The following CREBBP variants were observed in gnomAD, a reference collection of about 807,000 sequenced individuals.
CREBBP encodes the protein CREB binding lysine acetyltransferase.
In CREBBP, 19 loss-of-function variants were observed where a neutral mutation model predicts 265.0. The observed-to-expected ratio is 0.07, with a 90% CI of 0.05 to 0.11. CREBBP has a LOEUF of 0.11. Ranked by LOEUF, CREBBP falls within the 10% of genes least tolerant of loss-of-function variation. The probability of loss-of-function intolerance (pLI) is 1.00; values close to 1 mark genes in which losing one functional copy is unlikely to be tolerated. For synonymous variants in CREBBP, 1,457 were observed against 1,223.7 expected (o/e 1.19, Z -3.98); for missense variants, 2,525 against 3,219.0 (o/e 0.78, Z 5.22).
intron 2 of CREBBP, among the ~76,000 whole-genome samples, chr16:3,818,017 G>T (rs1157957931): frequency 1.3e-5 from 2 of 152,118 alleles, no homozygotes; most frequent in African/African-American, 4.8e-5. Flanking sequence ...TTTGCAAATA[G>T]TCCACTTCCA....
At chr16:3,818,490 T>C (rs926362860) in intron 2 of CREBBP, among the ~76,000 whole-genome samples, 7 of 152,000 alleles carry the variant, frequency 4.6e-5, no homozygotes, top group Non-Finnish European at 8.8e-5. Flanking sequence ...GTATTTTTAG[T>C]AGAGATGGGG....
intron 3 of CREBBP, among the ~76,000 whole-genome samples, chr16:3,797,381 A>G (rs1253572939): frequency 6.6e-6 from 1 of 152,172 alleles, no homozygotes; most frequent in Non-Finnish European, 1.5e-5. Flanking sequence ...TAGCATATAG[A>G]AGTCCCCCCT....
intron 19 of CREBBP, 103 bp from the exon 20 acceptor site, chr16:3,751,909 A>T: frequency 9.2e-7 from 1 of 1,088,566 alleles, no homozygotes; most frequent in Admixed American, 1.9e-5. Flanking sequence ...ACCACGACGA[A>T]GGGGGGGCGT....
rs754164754 is a variant in CREBBP at position 3,728,684 on chromosome 16, G to C, written c.6363C>G (p.Leu2121=). The C allele has an allele frequency of 6.2e-7, 1 of 1,613,784 alleles. No homozygotes were observed. The highest frequency in any genetic ancestry group is 8.5e-7 in the Non-Finnish European group (1 of 1,179,876). The change falls in exon 31 of 31, where the codon CTC becomes CTG. Residue 2121 remains leucine (L), a synonymous_variant. Coordinates refer to ENST00000262367, the MANE Select transcript of CREBBP (RefSeq NM_004380.3). This position sits in a 1 kb window ranked among gnomAD's most constrained non-coding sequence, Gnocchi z 8.7. Reference sequence around the variant, plus strand: ...GGGGTTGCATGCCGGGCTGGGACTGGAGGCCAGGCTGGGGCTGCATGCCGG... The same window carrying C: ...GGGGTTGCATGCCGGGCTGGGACTGCAGGCCAGGCTGGGGCTGCATGCCGG... ...NQPGMQPQPG[L]QSQPGMQPQP... is the part of the protein sequence containing the mutation.
chr16:3,864,817 A>C (rs1219962320), intron 1 of CREBBP, among the ~76,000 whole-genome samples: 1 of 152,202 alleles, frequency 6.6e-6, no homozygotes, highest in Non-Finnish European at 1.5e-5. Flanking sequence ...CTGTAATCCC[A>C]GCACTGTGGG....
chr16:3,748,759 A>C (rs1204984432), intron 21 of CREBBP, among the ~76,000 whole-genome samples: 3 of 152,184 alleles, frequency 2.0e-5, no homozygotes, highest in African/African-American at 7.2e-5. Context: ...ACCTGGGAAG[A>C]GGCTACCACA....
chr16:3,867,211 G>A (rs2055194515), intron 1 of CREBBP, among the ~76,000 whole-genome samples: 1 of 152,146 alleles, frequency 6.6e-6, no homozygotes, highest in Non-Finnish European at 1.5e-5. Context: ...GTGTGAGCTG[G>A]CTGCATGACA....
intron 2 of CREBBP, among the ~76,000 whole-genome samples, chr16:3,847,647 G>GTGGTCCCCAGGATGGAAT (rs2054695394): frequency 6.6e-6 from 1 of 152,198 alleles, no homozygotes; most frequent in Non-Finnish European, 1.5e-5. Flanking sequence ...TCTGTATAAA[G>GTGGTCCCCAGGATGGAAT]GAACCCCAGG....
rs1422339560 is a variant in CREBBP at position 3,729,010 on chromosome 16, T to G, written c.6037A>C (p.Met2013Leu). ...CACTGCCCGGGAGGCATGCTGGGCA[T>G]GACGGGCCCGCTCACCTGGTTGGGT... ...PRPNQVSGPV[M>L]PSMPPGQWQQ... The change falls in exon 31 of 31, where the codon ATG becomes CTG. Residue 2013 changes from methionine (M) to leucine (L), a missense_variant. Met to Leu is a conservative substitution (Grantham distance 15, BLOSUM62 2). Around this residue, in one of 19 missense-constraint regions of CREBBP, gnomAD observed 275 missense variants for 276.5 expected, o/e 0.99. Transcript: ENST00000262367. The G allele has an allele frequency of 6.3e-7, 1 of 1,592,870 alleles. No individual in the cohort carries two copies. Among genetic ancestry groups the G allele is most frequent in the Admixed American group, 1.7e-5 (1 of 58,414 alleles).
intron 6 of CREBBP, 105 bp downstream of exon 6, chr16:3,782,578 TA>T: frequency 7.0e-7 from 1 of 1,429,308 alleles, no homozygotes; most frequent in Non-Finnish European, 9.5e-7. Flanking sequence ...TCAACCACCG[TA>T]GTAAAAAACA....
At chr16:3,733,202 AAC>A (rs906259146) in intron 28 of CREBBP, among the ~76,000 whole-genome samples, 3 of 151,864 alleles carry the variant, frequency 2.0e-5, no homozygotes, top group East Asian at 2.0e-4. Context: ...CTCTACTAAA[AAC>A]ACAAAAAATT....
intron 1 of CREBBP, among the ~76,000 whole-genome samples, chr16:3,875,828 C>T (rs955992779): frequency 6.6e-6 from 1 of 152,090 alleles, no homozygotes; most frequent in African/African-American, 2.4e-5. Flanking sequence ...ACTGAGGTGA[C>T]GTGGAGAAAA....
At chr16:3,734,631 C>G (rs768518958) in intron 28 of CREBBP, among the ~76,000 whole-genome samples, 1 of 152,174 alleles carries the variant, frequency 6.6e-6, no homozygotes, top group Non-Finnish European at 1.5e-5. Context: ...GGAGCAAGTC[C>G]GAAGACAACA....
chr16:3,735,518 C>T (rs969285712), intron 28 of CREBBP, among the ~76,000 whole-genome samples: 12 of 152,058 alleles, frequency 7.9e-5, no homozygotes, highest in African/African-American at 2.4e-4. Flanking sequence ...GGCTGGTCTC[C>T]CTTTCCTGAC....
At chr16:3,849,190 A>G (rs1182258990) in intron 2 of CREBBP, among the ~76,000 whole-genome samples, 1 of 149,398 alleles carries the variant, frequency 6.7e-6, no homozygotes, top group East Asian at 2.0e-4. Flanking sequence ...AGTGTTTGTC[A>G]CTTCAGTGGG....
intron 3 of CREBBP, among the ~76,000 whole-genome samples, chr16:3,802,282 C>T (rs553023362): frequency 1.3e-5 from 2 of 151,668 alleles, no homozygotes; most frequent in Non-Finnish European, 2.9e-5. Flanking sequence ...CAGACGTGTG[C>T]CACCACACCT....
chr16:3,793,047 C>T (rs2053537833), intron 4 of CREBBP, among the ~76,000 whole-genome samples: 1 of 152,158 alleles, frequency 6.6e-6, no homozygotes, highest in Non-Finnish European at 1.5e-5. Context: ...AAAAGAAAAC[C>T]ACAATCTAGA....
chr16:3,801,563 G>A (rs565817779), intron 3 of CREBBP, among the ~76,000 whole-genome samples: 3 of 152,172 alleles, frequency 2.0e-5, no homozygotes, highest in South Asian at 2.1e-4. Context: ...CCAGCTACTC[G>A]GGAGGCTGAG....
At chr16:3,869,373 C>T (rs1445457066) in intron 1 of CREBBP, among the ~76,000 whole-genome samples, 1 of 152,206 alleles carries the variant, frequency 6.6e-6, no homozygotes, top group African/African-American at 2.4e-5. Flanking sequence ...TAATCCTGAA[C>T]AGTGTGACCT....
Sources: allele counts gnomAD v4.1 joint callset (sites outside exome capture counted in the v4.1 genomes callset), GRCh38; gene constraint gnomAD v4.1.1; regional missense constraint gnomAD v4.1.1; non-coding constraint Gnocchi (gnomAD v3.1); transcripts MANE v1.5; gene names NCBI Gene and HGNC (gene_info 2026-07-23, HGNC 2026-07-21).